Variants in PATJ observed in about 807,000 individuals in gnomAD.
PATJ encodes the protein inaD-like protein.
PATJ carries 190 observed loss-of-function variants against 224.9 expected under a neutral mutation model. That is an observed-to-expected ratio of 0.84 (90% CI 0.75 to 0.95). The LOEUF (loss-of-function observed/expected upper bound fraction) is 0.95, where lower values mean the gene tolerates loss of function less well. Ranked by LOEUF, PATJ falls within the 40% of genes least tolerant of loss-of-function variation. The probability of loss-of-function intolerance (pLI) is 0.00; values close to 1 mark genes in which losing one functional copy is unlikely to be tolerated. For missense variants in PATJ, 2,121 were observed against 2,270.3 expected (o/e 0.93, Z 1.34); for synonymous variants, 769 against 820.3 (o/e 0.94, Z 1.07).
intron 41 of PATJ, among the ~76,000 whole-genome samples, chr1:62,134,963 G>A (rs1414868973): frequency 6.6e-6 from 1 of 150,738 alleles, no homozygotes; most frequent in African/African-American, 2.5e-5. Context: ...TGGAAAAGGT[G>A]TGTCATTGAG....
At chr1:61,760,027 A>G (rs1032663280) in intron 1 of PATJ, among the ~76,000 whole-genome samples, 5 of 152,200 alleles carry the variant, frequency 3.3e-5, no homozygotes, top group Non-Finnish European at 7.3e-5. Context: ...AGAGAGGTTG[A>G]TGTGTTAATG....
rs757177367 is a variant in PATJ, at chr1:61,771,469, T to A, written c.563T>A (p.Ile188Asn). 3.1e-6 allele frequency: 5 copies of A among 1,605,880 alleles called. No individual in the cohort carries two copies. Among genetic ancestry groups the A allele is most frequent in the Non-Finnish European group, 4.2e-6 (5 of 1,177,486 alleles). ...AAGGAAAATGATCAAATATTGGCCA[T>A]TAATCACACGCCATTGGATCAGAAC... ...RLKENDQILA[I>N]NHTPLDQNIS... is the part of the protein sequence containing the mutation. Residue 188 changes from isoleucine (I) to asparagine (N), a missense_variant, in exon 6 of 44, where the codon ATT becomes AAT. Ile to Asn is a moderately radical substitution (Grantham distance 149). Transcript: ENST00000642238.
chr1:61,929,464 A>G (rs369892085), intron 27 of PATJ, among the ~76,000 whole-genome samples: 15 of 152,338 alleles, frequency 9.8e-5, no homozygotes, highest in African/African-American at 2.9e-4. Flanking sequence ...AGCTTAGTAC[A>G]GGCAGTGTGA....
intron 1 of PATJ, among the ~76,000 whole-genome samples, chr1:61,743,936 G>A (rs924448198): frequency 6.6e-6 from 1 of 152,152 alleles, no homozygotes; most frequent in African/African-American, 2.4e-5. Flanking sequence ...GATAAGCTGC[G>A]TGAAAACAGA....
intron 35 of PATJ, 176 bp downstream of exon 35, chr1:62,114,422 G>A (rs955309830): frequency 6.6e-6 from 4 of 607,268 alleles, no homozygotes; most frequent in Non-Finnish European, 1.1e-5. Context: ...CAGAAAAATT[G>A]TCATATCAAG....
chr1:61,827,350 G>GATAT, intron 15 of PATJ, 72 bp from the exon 16 acceptor site: 1 of 1,315,864 alleles, frequency 7.6e-7, no homozygotes, highest in Non-Finnish European at 1.0e-6. Context: ...TTGGTAGATG[G>GATAT]ATATAAATAA....
At chr1:61,749,227 C>T (rs763089484) in intron 1 of PATJ, among the ~76,000 whole-genome samples, 2 of 151,540 alleles carry the variant, frequency 1.3e-5, no homozygotes, top group South Asian at 2.1e-4. Flanking sequence ...AGGCTGGTCT[C>T]GAACTCCTGA....
intron 37 of PATJ, 55 bp downstream of exon 37, chr1:62,117,273 A>G (rs1389480068): frequency 6.2e-7 from 1 of 1,610,340 alleles, no homozygotes; most frequent in Middle Eastern, 1.7e-4. Flanking sequence ...ACTGGGAGAA[A>G]GTTCCCCATT....
intron 37 of PATJ, among the ~76,000 whole-genome samples, chr1:62,118,700 G>C (rs979832164): frequency 6.6e-6 from 1 of 152,114 alleles, no homozygotes. Flanking sequence ...CGCGATCTCA[G>C]CTCACTGTAA....
At chr1:61,802,872 A>G (rs1320261054) in intron 12 of PATJ, among the ~76,000 whole-genome samples, 3 of 152,190 alleles carry the variant, frequency 2.0e-5, no homozygotes, top group African/African-American at 7.2e-5. Flanking sequence ...TGCTCTGGAA[A>G]GCCTCGCCAG....
At chr1:62,088,753 A>G (rs1469337975) in intron 33 of PATJ, among the ~76,000 whole-genome samples, 1 of 151,170 alleles carries the variant, frequency 6.6e-6, no homozygotes, top group African/African-American at 2.4e-5. Context: ...AATATTCCTG[A>G]CTTGTTGAGT....
intron 26 of PATJ, among the ~76,000 whole-genome samples, chr1:61,920,738 C>T (rs1346401384): frequency 5.6e-5 from 7 of 125,012 alleles, no homozygotes; most frequent in Non-Finnish European, 4.8e-5. Context: ...GACAGAGTCT[C>T]GCTCTGTTGC....
intron 26 of PATJ, among the ~76,000 whole-genome samples, chr1:61,927,380 T>C (rs1365010101): frequency 1.3e-5 from 2 of 152,188 alleles, no homozygotes; most frequent in African/African-American, 4.8e-5. Context: ...TGTCTTTCAT[T>C]TGAATTTTCT....
At chr1:61,899,329 G>A (rs2149150420) in intron 22 of PATJ, among the ~76,000 whole-genome samples, 1 of 152,228 alleles carries the variant, frequency 6.6e-6, no homozygotes, top group East Asian at 1.9e-4. Context: ...CAAACTTTTA[G>A]TGTCTAGAAT....
chr1:62,019,454 G>T (rs1449956849), intron 29 of PATJ, among the ~76,000 whole-genome samples: 2 of 151,932 alleles, frequency 1.3e-5, no homozygotes, highest in Non-Finnish European at 2.9e-5. Context: ...AGGAGGCAGA[G>T]GTTGCAGTGA....
chr1:61,884,321 C>G lies in PATJ; in HGVS notation c.3044C>G (p.Pro1015Arg). 1 of 1,613,716 alleles carries G rather than the reference C, an allele frequency of 6.2e-7. No individual in the cohort carries two copies. The highest frequency in any genetic ancestry group is 8.5e-7 in the Non-Finnish European group (1 of 1,179,872). The change falls in exon 22 of 44, where the codon CCT becomes CGT. Residue 1015 changes from proline (P) to arginine (R), a missense_variant. Coordinates refer to ENST00000642238, the MANE Select transcript of PATJ (RefSeq NM_001350145.3). ...VAQRREQEDL[P>R]LYQHQATRVI... ...CAAAGGAGGGAGCAAGAAGATTTGCCTTTATATCAACACCAAGCGACACGA... is the reference window on the plus strand; with the variant it reads ...CAAAGGAGGGAGCAAGAAGATTTGCGTTTATATCAACACCAAGCGACACGA...
Position 61,764,444 on chromosome 1 carries a change from G to A in PATJ, c.189+1265G>A, listed in dbSNP as rs555531232. 3.4e-4 allele frequency among the ~76,000 whole-genome samples: 51 copies of A among 149,242 alleles called. 1 individual carries two copies. The highest frequency in any genetic ancestry group is 2.1e-4 in the Non-Finnish European group (14 of 67,664). ...GATTTTTTTTTTTTTTTGGTGCTGA[G>A]ATTGAACCAGAAATTAATTGTTTTA... On this transcript the variant is annotated intron_variant, in intron 3 of 43. Coordinates refer to ENST00000642238, the MANE Select transcript of PATJ (RefSeq NM_001350145.3).
At chr1:61,866,925 A>G (rs981889053) in intron 20 of PATJ, among the ~76,000 whole-genome samples, 8 of 152,308 alleles carry the variant, frequency 5.3e-5, no homozygotes, top group African/African-American at 1.7e-4. Context: ...TTTTTAGACC[A>G]TATAGGGTAA....
chr1:61,872,337 G>A (rs1346020929), intron 20 of PATJ, among the ~76,000 whole-genome samples: 1 of 152,084 alleles, frequency 6.6e-6, no homozygotes, highest in Non-Finnish European at 1.5e-5. Flanking sequence ...ACTTACCCGA[G>A]GCGAGCAAAA....
Sources: allele counts gnomAD v4.1 joint callset (sites outside exome capture counted in the v4.1 genomes callset), GRCh38; gene constraint gnomAD v4.1.1; transcripts MANE v1.5; gene names NCBI Gene and HGNC (gene_info 2026-07-23, HGNC 2026-07-21).